HEATR5B: variants seen among roughly 807,000 people sequenced by gnomAD.
HEATR5B encodes the protein HEAT repeat containing 5B.
Under a neutral mutation model 224.1 loss-of-function variants are expected in HEATR5B, and 156 were observed. The ratio of observed to expected loss-of-function variants is 0.70; its 90% CI spans 0.61 to 0.80. The LOEUF is 0.80. HEATR5B is among the 30% of genes least tolerant of loss of function. The pLI, the probability that HEATR5B is intolerant of heterozygous loss-of-function variation, is 0.00. For synonymous variants in HEATR5B, 1,027 were observed against 893.0 expected (o/e 1.15, Z -2.68); for missense variants, 2,323 against 2,535.5 (o/e 0.92, Z 1.80).
intron 2 of HEATR5B, among the ~76,000 whole-genome samples, chr2:37,080,359 G>A (rs974112827): frequency 1.3e-5 from 2 of 152,108 alleles, no homozygotes; most frequent in South Asian, 2.1e-4. Flanking sequence ...ACTCTATATG[G>A]TCCATAAATG....
chr2:37,077,928 T>C (rs1272171701), intron 3 of HEATR5B, among the ~76,000 whole-genome samples: 1 of 152,214 alleles, frequency 6.6e-6, no homozygotes, highest in Non-Finnish European at 1.5e-5. Context: ...AATAAAGTAA[T>C]AATAGCAACA....
chr2:37,052,891 A>G (rs6544053), intron 17 of HEATR5B, among the ~76,000 whole-genome samples: 5,187 of 152,302 alleles, frequency 0.034, 121 homozygotes, highest in Non-Finnish European at 0.052. Context: ...ATGTTGCACA[A>G]TTGAAAACTT....
In HEATR5B at chr2:37,002,479, G is replaced by A; in HGVS notation, c.5144C>T (p.Thr1715Ile). 6.2e-7 allele frequency: 1 copy of A among 1,614,210 alleles called. No homozygotes were observed. The highest frequency in any genetic ancestry group is 1.3e-5 in the African/African-American group (1 of 75,062). ...LIPGKSLVFATMELLMFILVR... is the reference protein window; with the variant it reads ...LIPGKSLVFAIMELLMFILVR... ...TAAAATGAACATCAGCAGCTCCATA[G>A]TTGCAAACACAAGAGATTTTCCAGG... The change falls in exon 32 of 36, where the codon ACT (threonine) becomes ATT (isoleucine). Residue 1715 changes from threonine (T) to isoleucine (I), a missense_variant. Around this residue, in one of 12 missense-constraint regions of HEATR5B, gnomAD observed 844 missense variants for 812.9 expected, o/e 1.04. Coordinates refer to ENST00000233099, the MANE Select transcript of HEATR5B (RefSeq NM_019024.3).
intron 3 of HEATR5B, 56 bp downstream of exon 3, chr2:37,079,064 G>T: frequency 8.9e-7 from 1 of 1,123,098 alleles, no homozygotes; most frequent in Non-Finnish European, 1.3e-6. Context: ...CTCCTACTAA[G>T]TTTCCTTGAA....
intron 8 of HEATR5B, among the ~76,000 whole-genome samples, chr2:37,067,168 C>T (rs2148577545): frequency 6.6e-6 from 1 of 152,228 alleles, no homozygotes; most frequent in African/African-American, 2.4e-5. Context: ...GCTACCATGC[C>T]TGGCCAAATA....
chr2:37,056,300 C>T lies in HEATR5B; in HGVS notation c.2399+140G>A, dbSNP rs192955458. The T allele has an allele frequency of 5.5e-5, 29 of 529,874 alleles. No homozygotes were observed. The Admixed American group carries it at 1.1e-3, about 20-fold the overall frequency. 32.8% of individuals were successfully genotyped at this position (529,874 alleles called of 1,614,324 possible). On this transcript the variant is annotated intron_variant, in intron 16 of 35. Transcript: ENST00000233099. ...TTTTTTATCATGTATCTGTCACTTA[C>T]ATTAGTAAATCTGTAAGAGTACTGT... is the stretch of plus-strand genomic sequence containing the variant.
intron 22 of HEATR5B, among the ~76,000 whole-genome samples, chr2:37,031,505 A>T (rs1187514625): frequency 6.7e-6 from 1 of 149,828 alleles, no homozygotes; most frequent in Non-Finnish European, 1.5e-5. Context: ...TCCTGGGCTC[A>T]AGTGATCTGT....
intron 17 of HEATR5B, among the ~76,000 whole-genome samples, chr2:37,050,583 A>T (rs1372048893): frequency 6.6e-6 from 1 of 152,270 alleles, no homozygotes; most frequent in Non-Finnish European, 1.5e-5. Flanking sequence ...TCTTTTAAGA[A>T]ATCTTTAACA....
intron 33 of HEATR5B, among the ~76,000 whole-genome samples, chr2:36,993,993 G>C (rs1160908836): frequency 6.6e-6 from 1 of 152,124 alleles, no homozygotes; most frequent in Non-Finnish European, 1.5e-5. Flanking sequence ...AGGGCTCTAT[G>C]ACGGTTATTA....
At chr2:37,040,282 A>G (rs1419722225) in intron 20 of HEATR5B, 47 bp downstream of exon 20, 1 of 1,428,578 alleles carries the variant, frequency 7.0e-7, no homozygotes, top group Non-Finnish European at 9.8e-7. Context: ...AAATTTAAAG[A>G]TACTGATTAT....
In HEATR5B at chr2:37,003,627, T is replaced by A. The variant is rs749246665; in HGVS notation, c.4965A>T (p.Ser1655=). 1.9e-6 allele frequency: 3 copies of A among 1,612,736 alleles called. No homozygotes were observed. The highest frequency in any genetic ancestry group is 1.1e-5 in the South Asian group (1 of 90,996). The stretch of plus-strand genomic sequence containing the variant: ...CTCCAGTAACCAACAGCTGGACAGA[T>A]GATGGATTCCAGGTCAATAGAAGGC... ...LHRLLLTWNP[S]SVQLLVTGVV... is the part of the protein sequence containing the mutation. The change falls in exon 31 of 36, where the codon TCA becomes TCT. Residue 1655 remains serine, a synonymous_variant. Coordinates refer to ENST00000233099, the MANE Select transcript of HEATR5B (RefSeq NM_019024.3).
chr2:37,000,529 C>T, intron 33 of HEATR5B, 57 bp downstream of exon 33: 2 of 1,352,674 alleles, frequency 1.5e-6, no homozygotes, highest in Non-Finnish European at 2.1e-6. Flanking sequence ...TCAACTAATT[C>T]ATTACTTAGG....
intron 10 of HEATR5B, among the ~76,000 whole-genome samples, chr2:37,064,437 T>C (rs1671465883): frequency 6.6e-6 from 1 of 151,940 alleles, no homozygotes; most frequent in Non-Finnish European, 1.5e-5. Flanking sequence ...TGAAGTTGGC[T>C]AACTTTTTTT....
chr2:36,984,227 T>A lies in HEATR5B; in HGVS notation c.5912-2433A>T, dbSNP rs1325454876. 1.3e-4 allele frequency among the ~76,000 whole-genome samples: 11 copies of A among 83,298 alleles called. No individual in the cohort carries two copies. In the East Asian group the frequency reaches 1.8e-3, roughly 13 times the overall value. The allele number at this position is 83,298 out of a possible 152,430, so 54.6% of individuals were successfully genotyped here. ...AAAAAAAAAAAAAAATATATATATA[T>A]ATATATATATAAAACTGGAAAAAAT... On this transcript the variant is annotated intron_variant, in intron 35 of 35. Transcript: ENST00000233099.
Position 37,053,178 on chromosome 2 carries a change from A to G in HEATR5B, c.2505+324T>C, listed in dbSNP as rs558664665. The stretch of plus-strand genomic sequence containing the variant: ...GATTTGTGGCCTAAACCACAGATCA[A>G]GCTTCAGCTCTATTTAGTTAACCTT... On this transcript the variant is annotated intron_variant, in intron 17 of 35. Coordinates refer to ENST00000233099, the MANE Select transcript of HEATR5B (RefSeq NM_019024.3). 2.0e-5 allele frequency among the ~76,000 whole-genome samples: 3 copies of G among 152,394 alleles called. No individual in the cohort carries two copies. The South Asian group carries it at 6.2e-4, about 32-fold the overall frequency.
rs541695274 is a variant in HEATR5B at position 37,010,218 on chromosome 2, GA to G, written c.4285-1371del. On this transcript the variant is annotated intron_variant, in intron 27 of 35. Coordinates refer to ENST00000233099, the MANE Select transcript of HEATR5B (RefSeq NM_019024.3). ...AAAAGAAAGGAATGACAGCAAGCAA[GA>G]AAAGAATTGCTCTAGATAAAAATCT... Among the ~76,000 whole-genome samples, 20 of 152,234 alleles carry G rather than the reference GA, an allele frequency of 1.3e-4. No individual in the cohort carries two copies. In the South Asian group the frequency reaches 3.1e-3, roughly 24 times the overall value.
chr2:37,005,516 A>C, intron 30 of HEATR5B, 116 bp downstream of exon 30: 184 of 805,206 alleles, frequency 2.3e-4, no homozygotes, highest in Non-Finnish European at 3.3e-4. Context: ...GAGTCAGTGT[A>C]TTCATATCAT....
At chr2:37,041,563 T>C (rs1331850961) in intron 18 of HEATR5B, among the ~76,000 whole-genome samples, 1 of 152,036 alleles carries the variant, frequency 6.6e-6, no homozygotes, top group Non-Finnish European at 1.5e-5. Context: ...CTGGCTAACA[T>C]GGCAAAATCC....
Position 37,007,285 on chromosome 2 carries a change from A to C in HEATR5B, c.4542T>G (p.Pro1514=). The C allele has an allele frequency of 6.2e-7, 1 of 1,611,934 alleles. No homozygotes were observed. Among genetic ancestry groups the C allele is most frequent in the Non-Finnish European group, 8.5e-7 (1 of 1,179,268 alleles). The part of the protein sequence containing the change: ...LPPDGGAFYT[P]ETIDTARLHY... ...GAAGTCTAGCTGTATCAATAGTTTC[A>C]GGGGTATAAAATGCTCCACCTGTAA... The change falls in exon 29 of 36, where the codon CCT becomes CCG. Residue 1514 remains proline, a synonymous_variant. Transcript: ENST00000233099.
Sources: gnomAD v4.1 joint callset for allele counts (sites outside exome capture counted in the v4.1 genomes callset) on GRCh38, gnomAD v4.1.1 for gene constraint, gnomAD v4.1.1 regional missense constraint, MANE v1.5 for transcripts, NCBI Gene and HGNC (gene_info 2026-07-23, HGNC 2026-07-21) for gene names.